The following TMLHE variants were observed in gnomAD, a reference collection of about 807,000 sequenced individuals.
TMLHE encodes trimethyllysine dioxygenase, mitochondrial.
TMLHE carries 18 observed loss-of-function variants against 25.7 expected under a neutral mutation model. That is an observed-to-expected ratio of 0.70 (90% CI 0.48 to 1.04). The LOEUF is 1.04. Among genes scored for constraint, TMLHE ranks in the 50% least tolerant of loss-of-function variants. The pLI is 0.00. For synonymous variants in TMLHE, 105 were observed against 97.0 expected (o/e 1.08, Z -0.49); for missense variants, 236 against 259.0 (o/e 0.91, Z 0.61).
At chrX:155,578,098 C>T (rs1414663906) in intron 1 of TMLHE, among the ~76,000 whole-genome samples, 2 of 111,519 alleles carry the variant, frequency 1.8e-5, no homozygotes, top group Admixed American at 1.9e-4. Context: ...CTTTTACATG[C>T]CCCAAGGAAA....
rs782346505 is a variant in TMLHE, at chrX:155,551,433, A to C, written c.-1-6156T>G. Among the ~76,000 whole-genome samples, 47 of 95,561 alleles carry C rather than the reference A, an allele frequency of 4.9e-4. 1 individual carries two copies. The highest frequency in any genetic ancestry group is 4.0e-5 in the Non-Finnish European group (2 of 49,799). 83.0% of individuals were successfully genotyped at this position (95,561 alleles called of 115,157 possible). A position where few individuals can be genotyped will look rare whatever the true frequency, so the allele number is the denominator to read the frequency against. ...TGGGTCAAATCGTAATTCTAGTTCT[A>C]GATCCTTGAGGAATTGCCACACTGT... On this transcript the variant is annotated intron_variant, in intron 1 of 7. Transcript: ENST00000334398.
chrX:155,584,549 T>C (rs1043090737), intron 1 of TMLHE, among the ~76,000 whole-genome samples: 3 of 110,753 alleles, frequency 2.7e-5, no homozygotes, highest in Non-Finnish European at 5.7e-5. Flanking sequence ...ATAAAGGTTT[T>C]CTCCCCACCA....
chrX:155,546,464 T>C (rs2067345576), intron 1 of TMLHE, among the ~76,000 whole-genome samples: 2 of 111,371 alleles, frequency 1.8e-5, no homozygotes, highest in Middle Eastern at 4.6e-3. Context: ...AAATATGCAG[T>C]AGTGTAATTA....
At chrX:155,547,010 A>C (rs1557338772) in intron 1 of TMLHE, among the ~76,000 whole-genome samples, 1 of 111,655 alleles carries the variant, frequency 9.0e-6, no homozygotes, top group African/African-American at 3.3e-5. Flanking sequence ...CAAAGAAAAA[A>C]AATTTCCAAC....
chrX:155,571,919 T>C lies in TMLHE; in HGVS notation c.-1-26642A>G, dbSNP rs1557343237. Among the ~76,000 whole-genome samples, 2 of 54,556 alleles carry C rather than the reference T, an allele frequency of 3.7e-5. 1 individual carries two copies. Among genetic ancestry groups the C allele is most frequent in the South Asian group, 2.1e-3 (2 of 943 alleles). 47.4% of individuals were successfully genotyped at this position (54,556 alleles called of 115,157 possible). A position where few individuals can be genotyped will look rare whatever the true frequency, so the allele number is the denominator to read the frequency against. ...AACTGGAAGCATTCCCTTTGAAAAC[T>C]GGCACAAGACAGGGATGCCCTCTCT... On this transcript the variant is annotated intron_variant, in intron 1 of 7. Coordinates refer to ENST00000334398, the MANE Select transcript of TMLHE (RefSeq NM_018196.4).
chrX:155,516,024 T>TA (rs1557334945), intron 3 of TMLHE, among the ~76,000 whole-genome samples: 1 of 90,593 alleles, frequency 1.1e-5, no homozygotes, highest in African/African-American at 3.8e-5. Flanking sequence ...TTTTTTTTTT[T>TA]TTTTTATTAT....
chrX:155,512,707 G>A (rs2067125883), intron 4 of TMLHE, among the ~76,000 whole-genome samples: 1 of 111,420 alleles, frequency 9.0e-6, no homozygotes, highest in African/African-American at 3.3e-5. Flanking sequence ...GATGACTGAA[G>A]AGTTCTCATA....
At chrX:155,548,072 T>C (rs1557339136) in intron 1 of TMLHE, among the ~76,000 whole-genome samples, 1 of 111,707 alleles carries the variant, frequency 9.0e-6, no homozygotes, top group African/African-American at 3.3e-5. Context: ...CCCCTACCTC[T>C]TGCCATATAC....
In TMLHE at chrX:155,591,768, C is replaced by T. The variant is rs181550562; in HGVS notation, c.-2+21024G>A. ...TGGTGGGAATGTCAATTAGGATAGC[C>T]ATTATGGAAAACATTGTAATGGTTC... On this transcript the variant is annotated intron_variant, in intron 1 of 7. Transcript: ENST00000334398. 9.5e-3 allele frequency among the ~76,000 whole-genome samples: 1,060 copies of T among 111,312 alleles called. 7 individuals are homozygous for T. Among genetic ancestry groups the T allele is most frequent in the Non-Finnish European group, 0.011 (595 of 52,970 alleles).
intron 5 of TMLHE, among the ~76,000 whole-genome samples, chrX:155,507,664 G>A (rs944331877): frequency 5.5e-5 from 6 of 110,025 alleles, no homozygotes; most frequent in East Asian, 2.9e-4. Context: ...CATTCTAGGC[G>A]GAGAGAAAGC....
chrX:155,548,523 C>T (rs1569562084), intron 1 of TMLHE, among the ~76,000 whole-genome samples: 5 of 107,941 alleles, frequency 4.6e-5, no homozygotes, highest in Non-Finnish European at 9.5e-5. Context: ...ATCACAAGGT[C>T]AGCAGTATGA....
At chrX:155,535,663 C>A (rs1460380293) in intron 2 of TMLHE, among the ~76,000 whole-genome samples, 1 of 112,004 alleles carries the variant, frequency 8.9e-6, no homozygotes. Context: ...TTCATCCTCT[C>A]CTTCACTTCT....
intron 3 of TMLHE, among the ~76,000 whole-genome samples, chrX:155,522,041 C>T (rs2067191009): frequency 1.8e-5 from 2 of 111,503 alleles, no homozygotes; most frequent in Admixed American, 1.9e-4. Context: ...CATCTTGGCT[C>T]CTCCCCCCAA....
At chrX:155,579,123 AC>A (rs2067609402) in intron 1 of TMLHE, among the ~76,000 whole-genome samples, 1 of 111,569 alleles carries the variant, frequency 9.0e-6, no homozygotes, top group African/African-American at 3.3e-5. Flanking sequence ...ATGGGGAAAA[AC>A]ATCCCATACT....
chrX:155,590,953 TCTAA>T (rs2067690492), intron 1 of TMLHE, among the ~76,000 whole-genome samples: 2 of 110,672 alleles, frequency 1.8e-5, no homozygotes, highest in Admixed American at 9.6e-5. Context: ...AAAATATATA[TCTAA>T]CTATACTATG....
At position 155,549,322 on chromosome X, in the gene TMLHE, A is replaced by AGAGACAGCTG. The variant is rs1557339630; in HGVS notation, c.-1-4046_-1-4045insCAGCTGTCTC. Among the ~76,000 whole-genome samples the AGAGACAGCTG allele has an allele frequency of 2.7e-5, 3 of 110,472 alleles. 1 individual carries two copies. Among genetic ancestry groups the AGAGACAGCTG allele is most frequent in the Non-Finnish European group, 5.7e-5 (3 of 52,942 alleles). On this transcript the variant is annotated intron_variant, in intron 1 of 7. Transcript: ENST00000334398. Reference sequence around the variant, plus strand: ...TCTTAGGGGAAAACATTCTAGTTTCATGATTAAGTATGTTGTTAGCCATGT... The same window carrying AGAGACAGCTG: ...TCTTAGGGGAAAACATTCTAGTTTCAGAGACAGCTGTGATTAAGTATGTTGTTAGCCATGT...
chrX:155,538,803 G>A (rs1463730315), intron 2 of TMLHE, among the ~76,000 whole-genome samples: 1 of 111,455 alleles, frequency 9.0e-6, no homozygotes, highest in African/African-American at 3.3e-5. Flanking sequence ...CTATGCTCCT[G>A]AAGCAGTTCT....
chrX:155,591,385 A>C (rs2067693106), intron 1 of TMLHE, among the ~76,000 whole-genome samples: 1 of 111,931 alleles, frequency 8.9e-6, no homozygotes, highest in Non-Finnish European at 1.9e-5. Flanking sequence ...CATTCTTTTA[A>C]GCACACATGT....
In TMLHE at chrX:155,507,141, A is replaced by G. The variant is rs1557332806; in HGVS notation, c.759-7T>C. 1.7e-6 allele frequency: 2 copies of G among 1,160,997 alleles called. No individual in the cohort carries two copies. Among genetic ancestry groups the G allele is most frequent in the African/African-American group, 3.6e-5 (2 of 56,128 alleles). On this transcript the variant is annotated splice_polypyrimidine_tract_variant and splice_region_variant and intron_variant, in intron 5 of 7. Coordinates refer to ENST00000334398, the MANE Select transcript of TMLHE (RefSeq NM_018196.4). Reference sequence around the variant, plus strand: ...ACAATGAAACACTTGAATGCTAAAGAGAGAAAAGAAAATTCTTCTGTTCAG... The same window carrying G: ...ACAATGAAACACTTGAATGCTAAAGGGAGAAAAGAAAATTCTTCTGTTCAG...
Sources: gnomAD v4.1 joint callset for allele counts (sites outside exome capture counted in the v4.1 genomes callset) on GRCh38, gnomAD v4.1.1 for gene constraint, MANE v1.5 for transcripts, NCBI Gene and HGNC (gene_info 2026-07-23, HGNC 2026-07-21) for gene names.